Variants in PPM1L observed in about 807,000 individuals in gnomAD.
PPM1L encodes the protein protein phosphatase, Mg2+/Mn2+ dependent 1L.
A neutral mutation model predicts 31.4 loss-of-function variants in PPM1L; 13 were observed. That is an observed-to-expected ratio of 0.41 (90% CI 0.27 to 0.66). PPM1L has a LOEUF of 0.66. Ranked by LOEUF, PPM1L falls within the 30% of genes least tolerant of loss-of-function variation. The probability of loss-of-function intolerance (pLI) is 0.29; values close to 1 mark genes in which losing one functional copy is unlikely to be tolerated. For missense variants in PPM1L, 326 were observed against 453.7 expected, an observed-to-expected ratio of 0.72 and a Z score of 2.56; for synonymous variants, 184 against 175.4, an observed-to-expected ratio of 1.05 and a Z score of -0.39.
At chr3:161,060,056 T>C (rs1435300792) in intron 2 of PPM1L, among the ~76,000 whole-genome samples, 1 of 152,104 alleles carries the variant, frequency 6.6e-6, no homozygotes, top group African/African-American at 2.4e-5. Flanking sequence ...ATATATCTTG[T>C]GAAGTTTATA....
chr3:160,861,946 G>C (rs79270908), intron 1 of PPM1L, among the ~76,000 whole-genome samples: 5 of 152,054 alleles, frequency 3.3e-5, no homozygotes, highest in Non-Finnish European at 5.9e-5. Context: ...AAAGACCTCT[G>C]TGCCCACCTA....
chr3:160,890,493 G>C (rs1713100547), intron 1 of PPM1L, among the ~76,000 whole-genome samples: 2 of 152,042 alleles, frequency 1.3e-5, no homozygotes, highest in African/African-American at 4.8e-5. Context: ...GACACAAAGG[G>C]AAAAACATTT....
rs183564398 is a variant in PPM1L at position 161,073,226 on chromosome 3, G to A, written c.*4069G>A. ...GGCTCTAATTTAAATGTCCTGTGAG[G>A]AGAGAAAAACACAACAAATATCTAC... On this transcript the variant is annotated 3_prime_UTR_variant, in exon 4 of 4. Transcript: ENST00000498165. 38 of 152,280 alleles carry A rather than the reference G, an allele frequency of 2.5e-4. No homozygotes were observed. Among genetic ancestry groups the A allele is most frequent in the Admixed American group, 2.5e-3 (38 of 15,292 alleles). 9.4% of individuals were successfully genotyped at this position (152,280 alleles called of 1,614,324 possible). A position where few individuals can be genotyped will look rare whatever the true frequency, so the allele number is the denominator to read the frequency against.
At chr3:160,990,667 G>A (rs1015187045) in intron 2 of PPM1L, among the ~76,000 whole-genome samples, 1 of 152,124 alleles carries the variant, frequency 6.6e-6, no homozygotes, top group Non-Finnish European at 1.5e-5. Flanking sequence ...AAAGTGAAAG[G>A]TCCCTTCATT....
chr3:160,827,158 C>G (rs1192588581), intron 1 of PPM1L, among the ~76,000 whole-genome samples: 1 of 152,134 alleles, frequency 6.6e-6, no homozygotes, highest in East Asian at 1.9e-4. Context: ...ATAGCCCACT[C>G]TCTCCCACTC....
intron 1 of PPM1L, among the ~76,000 whole-genome samples, chr3:160,910,071 G>T (rs1344044664): frequency 6.6e-6 from 1 of 152,124 alleles, no homozygotes; most frequent in Non-Finnish European, 1.5e-5. Context: ...TGAAAGAAGG[G>T]TCTGGCTGTT....
At chr3:160,891,013 A>G (rs1713119726) in intron 1 of PPM1L, among the ~76,000 whole-genome samples, 1 of 152,234 alleles carries the variant, frequency 6.6e-6, no homozygotes, top group African/African-American at 2.4e-5. Flanking sequence ...ACCCAAAACC[A>G]TAAATCCCCT....
At chr3:160,854,086 T>C (rs937769972) in intron 1 of PPM1L, among the ~76,000 whole-genome samples, 5 of 152,206 alleles carry the variant, frequency 3.3e-5, no homozygotes, top group Non-Finnish European at 5.9e-5. Context: ...AGGCAGGTGG[T>C]ACCCAGTTAT....
chr3:160,795,694 C>T (rs903699806), intron 1 of PPM1L, among the ~76,000 whole-genome samples: 1 of 152,128 alleles, frequency 6.6e-6, no homozygotes, highest in Non-Finnish European at 1.5e-5. Flanking sequence ...GATACAATAT[C>T]GAACAATTTA....
intron 2 of PPM1L, among the ~76,000 whole-genome samples, chr3:160,969,803 C>A (rs1716265245): frequency 6.6e-6 from 1 of 152,192 alleles, no homozygotes; most frequent in Non-Finnish European, 1.5e-5. Flanking sequence ...CAACCTCTGA[C>A]ACCAACTTCT....
At chr3:160,781,858 G>A (rs888234652) in intron 1 of PPM1L, among the ~76,000 whole-genome samples, 8 of 152,172 alleles carry the variant, frequency 5.3e-5, no homozygotes, top group Admixed American at 5.2e-4. Flanking sequence ...CTGGACATGA[G>A]CCGTACCTAT....
At chr3:160,903,192 TG>T (rs1279456996) in intron 1 of PPM1L, among the ~76,000 whole-genome samples, 2,076 of 119,270 alleles carry the variant, frequency 0.017, 23 homozygotes, top group Non-Finnish European at 0.018. Flanking sequence ...TGTGTGTGTG[TG>T]GTATGTGTGT....
chr3:160,761,755 A>G (rs534361509), intron 1 of PPM1L, among the ~76,000 whole-genome samples: 1 of 152,354 alleles, frequency 6.6e-6, no homozygotes, highest in South Asian at 2.1e-4. Flanking sequence ...ATGGACTTAT[A>G]GTTCCACGTG....
At chr3:160,922,099 A>T (rs1384213183) in intron 1 of PPM1L, among the ~76,000 whole-genome samples, 3 of 152,284 alleles carry the variant, frequency 2.0e-5, no homozygotes, top group Admixed American at 1.3e-4. Flanking sequence ...TCACGAGGTC[A>T]GGAGATCAAG....
chr3:160,789,803 C>T lies in PPM1L; in HGVS notation c.399+33096C>T, dbSNP rs565681748. Among the ~76,000 whole-genome samples, 124 of 151,938 alleles carry T rather than the reference C, an allele frequency of 8.2e-4. 2 individuals are homozygous for T. In the South Asian group the frequency reaches 0.024, roughly 30 times the overall value. ...CCATCTTTATTCTACTAGTATGAAT[C>T]TCACATGATCATGTGTGTATAGTCT... is the stretch of plus-strand genomic sequence containing the variant. On this transcript the variant is annotated intron_variant, in intron 1 of 3. Transcript: ENST00000498165.
chr3:160,881,489 A>G lies in PPM1L; in HGVS notation c.400-80247A>G, dbSNP rs139892808. Among the ~76,000 whole-genome samples the G allele has an allele frequency of 8.9e-4, 135 of 152,260 alleles. No individual in the cohort carries two copies. In the East Asian group the frequency reaches 0.022, roughly 24 times the overall value. Reference sequence around the variant, plus strand: ...TTGGTATATAATACTGCTCTTGGCCAATATATTTAAAAAATAATTTTCAAT... The same window carrying G: ...TTGGTATATAATACTGCTCTTGGCCGATATATTTAAAAAATAATTTTCAAT... On this transcript the variant is annotated intron_variant, in intron 1 of 3. Transcript: ENST00000498165.
intron 2 of PPM1L, among the ~76,000 whole-genome samples, chr3:161,013,133 T>A (rs1388087893): frequency 1.3e-5 from 2 of 152,238 alleles, no homozygotes; most frequent in African/African-American, 4.8e-5. Flanking sequence ...CAATTTTAGA[T>A]CTTTCCTGCT....
intron 1 of PPM1L, among the ~76,000 whole-genome samples, chr3:160,781,500 T>C (rs1313316474): frequency 1.3e-5 from 2 of 152,122 alleles, no homozygotes; most frequent in African/African-American, 2.4e-5. Context: ...AAAAGGAAAA[T>C]GGCCTAGCTG....
At chr3:160,979,460 T>G (rs1245177206) in intron 2 of PPM1L, among the ~76,000 whole-genome samples, 1 of 151,956 alleles carries the variant, frequency 6.6e-6, no homozygotes, top group Non-Finnish European at 1.5e-5. Context: ...TTGGGAGAAC[T>G]CACACAGACA....
Sources: gnomAD v4.1 joint callset for allele counts (sites outside exome capture counted in the v4.1 genomes callset) on GRCh38, gnomAD v4.1.1 for gene constraint, MANE v1.5 for transcripts, NCBI Gene and HGNC (gene_info 2026-07-23, HGNC 2026-07-21) for gene names.